PDZRN3: variants seen among roughly 807,000 people sequenced by gnomAD.
The protein encoded by PDZRN3 is PDZ domain containing ring finger 3.
In PDZRN3, 38 loss-of-function variants were observed where a neutral mutation model predicts 85.7. That is an observed-to-expected ratio of 0.44 (90% CI 0.34 to 0.58). PDZRN3 has a LOEUF of 0.58. Ranked by LOEUF, PDZRN3 falls within the 20% of genes least tolerant of loss-of-function variation. The pLI, the probability that PDZRN3 is intolerant of heterozygous loss-of-function variation, is 0.01. For missense variants in PDZRN3, 1,629 were observed against 1,506.4 expected, an observed-to-expected ratio of 1.08 and a Z score of -1.35; for synonymous variants, 759 against 638.0, an observed-to-expected ratio of 1.19 and a Z score of -2.86.
chr3:73,584,967 A>G (rs568162163), intron 3 of PDZRN3, among the ~76,000 whole-genome samples: 1 of 152,340 alleles, frequency 6.6e-6, no homozygotes, highest in South Asian at 2.1e-4. Flanking sequence ...TTACTCCTTT[A>G]GAAATCTTTA....
intron 3 of PDZRN3, among the ~76,000 whole-genome samples, chr3:73,448,259 C>T (rs1702789723): frequency 6.6e-6 from 1 of 152,248 alleles, no homozygotes; most frequent in Non-Finnish European, 1.5e-5. Flanking sequence ...ATTTTTTCTT[C>T]TAACCACCTA....
chr3:73,414,116 C>G (rs552987899), intron 3 of PDZRN3, among the ~76,000 whole-genome samples: 1 of 152,296 alleles, frequency 6.6e-6, no homozygotes, highest in African/African-American at 2.4e-5. Context: ...AAAGTAATGT[C>G]AGTCATGTCT....
chr3:73,571,566 G>A (rs926097742), intron 3 of PDZRN3, among the ~76,000 whole-genome samples: 3 of 152,188 alleles, frequency 2.0e-5, no homozygotes, highest in African/African-American at 7.2e-5. Flanking sequence ...ACGTTCCACA[G>A]GGGCTGTGCT....
chr3:73,524,477 A>G (rs1460334312), intron 3 of PDZRN3, among the ~76,000 whole-genome samples: 1 of 152,234 alleles, frequency 6.6e-6, no homozygotes, highest in Non-Finnish European at 1.5e-5. Flanking sequence ...CTGAAAGCAC[A>G]GGCTTTGACT....
At chr3:73,515,728 G>A (rs1441328714) in intron 3 of PDZRN3, among the ~76,000 whole-genome samples, 3 of 152,158 alleles carry the variant, frequency 2.0e-5, no homozygotes, top group Admixed American at 6.5e-5. Context: ...ATATTGCAGA[G>A]AGGAAATCAA....
chr3:73,383,847 T>C lies in PDZRN3; in HGVS notation c.2719A>G (p.Lys907Glu). 1.2e-6 allele frequency: 2 copies of C among 1,613,854 alleles called. No homozygotes were observed. Among genetic ancestry groups the C allele is most frequent in the Non-Finnish European group, 8.5e-7 (1 of 1,180,016 alleles). ...GACGGGGTGGGAGAGCTCAGGTCCT[T>C]GCACATGCTCACCAGGCTCATCTGG... ...QSQMSLVSMC[K>E]DLSSPTPSEP... The change falls in exon 10 of 10, where the codon AAG becomes GAG. Residue 907 changes from lysine (K) to glutamate (E), a missense_variant. Physicochemically the swap from Lys to Glu is moderately conservative, Grantham distance 56. Coordinates refer to ENST00000263666, the MANE Select transcript of PDZRN3 (RefSeq NM_015009.3).
chr3:73,470,551 T>C (rs7650844), intron 3 of PDZRN3, among the ~76,000 whole-genome samples: 4,928 of 152,296 alleles, frequency 0.032, 119 homozygotes, highest in Non-Finnish European at 0.049. Context: ...GGGCTGTAAC[T>C]TTCCAAAGCC....
chr3:73,606,906 A>T (rs1002175629), intron 2 of PDZRN3, among the ~76,000 whole-genome samples: 7 of 152,244 alleles, frequency 4.6e-5, no homozygotes, highest in South Asian at 2.1e-4. Context: ...AACTGAAGCC[A>T]TGTGTTGGCC....
chr3:73,429,028 A>G (rs1702376796), intron 3 of PDZRN3, among the ~76,000 whole-genome samples: 1 of 152,066 alleles, frequency 6.6e-6, no homozygotes, highest in Non-Finnish European at 1.5e-5. Context: ...CCTCCTGAGT[A>G]GCTGGGACTA....
At chr3:73,466,411 G>A (rs1703215272) in intron 3 of PDZRN3, among the ~76,000 whole-genome samples, 1 of 151,910 alleles carries the variant, frequency 6.6e-6, no homozygotes. Flanking sequence ...AACAACAAAA[G>A]CAAGACACTC....
chr3:73,382,811 A>G lies in PDZRN3; in HGVS notation c.*554T>C, dbSNP rs1260648231. ...GTTTAAATGTATATCCCAACTCTAAACGCTGCCGGTTTGGTTATATGTATT... is the reference window on the plus strand; with the variant it reads ...GTTTAAATGTATATCCCAACTCTAAGCGCTGCCGGTTTGGTTATATGTATT... On this transcript the variant is annotated 3_prime_UTR_variant, in exon 10 of 10. Coordinates refer to ENST00000263666, the MANE Select transcript of PDZRN3 (RefSeq NM_015009.3). 1 of 153,026 alleles carries G rather than the reference A, an allele frequency of 6.5e-6. No individual in the cohort carries two copies. Among genetic ancestry groups the G allele is most frequent in the Non-Finnish European group, 1.5e-5 (1 of 68,380 alleles). The allele number at this position is 153,026 out of a possible 1,614,324, so 9.5% of individuals were successfully genotyped here.
chr3:73,422,012 T>C (rs776209405), intron 3 of PDZRN3, among the ~76,000 whole-genome samples: 1 of 152,244 alleles, frequency 6.6e-6, no homozygotes, highest in Non-Finnish European at 1.5e-5. Flanking sequence ...TATATGATGT[T>C]TCTGCAGTAG....
chr3:73,496,284 C>A (rs1472372327), intron 3 of PDZRN3, among the ~76,000 whole-genome samples: 1 of 152,152 alleles, frequency 6.6e-6, no homozygotes, highest in African/African-American at 2.4e-5. Context: ...CATTCTTTTT[C>A]TTCGGAGAGG....
At chr3:73,609,388 G>A (rs1027884357) in intron 1 of PDZRN3, among the ~76,000 whole-genome samples, 3 of 152,134 alleles carry the variant, frequency 2.0e-5, no homozygotes, top group East Asian at 1.9e-4. Flanking sequence ...CATAGTGTTC[G>A]ACAGTCAAAG....
chr3:73,603,970 A>G (rs574749555), intron 2 of PDZRN3, among the ~76,000 whole-genome samples: 1 of 152,188 alleles, frequency 6.6e-6, no homozygotes, highest in East Asian at 1.9e-4. Context: ...ATGAGCATTA[A>G]GTGTTTTTCC....
intron 3 of PDZRN3, among the ~76,000 whole-genome samples, chr3:73,601,823 C>G (rs1049953858): frequency 2.6e-5 from 4 of 152,110 alleles, no homozygotes; most frequent in Non-Finnish European, 5.9e-5. Context: ...TATGTGAACC[C>G]TAATATCAAC....
At chr3:73,436,605 A>C (rs1226407551) in intron 3 of PDZRN3, among the ~76,000 whole-genome samples, 1 of 146,430 alleles carries the variant, frequency 6.8e-6, no homozygotes, top group Non-Finnish European at 1.5e-5. Context: ...CTACATGATT[A>C]GGGAAATTTT....
chr3:73,456,377 C>T (rs1042272020), intron 3 of PDZRN3, among the ~76,000 whole-genome samples: 2 of 152,058 alleles, frequency 1.3e-5, no homozygotes, highest in African/African-American at 4.8e-5. Flanking sequence ...AAACAAAGTC[C>T]CAAGTGAGCC....
intron 3 of PDZRN3, among the ~76,000 whole-genome samples, chr3:73,475,382 A>G (rs1703428822): frequency 6.6e-6 from 1 of 152,206 alleles, no homozygotes; most frequent in Non-Finnish European, 1.5e-5. Context: ...CTTTCCTGTT[A>G]GCTGTCATTT....
Sources: gnomAD v4.1 joint callset for allele counts (sites outside exome capture counted in the v4.1 genomes callset) on GRCh38, gnomAD v4.1.1 for gene constraint, MANE v1.5 for transcripts, NCBI Gene and HGNC (gene_info 2026-07-23, HGNC 2026-07-21) for gene names.